Variants in EYA4 observed in about 807,000 individuals in gnomAD.
EYA4 encodes the protein EYA transcriptional coactivator and phosphatase 4.
A neutral mutation model predicts 87.9 loss-of-function variants in EYA4; 31 were observed. The observed-to-expected ratio is 0.35, with a 90% CI of 0.27 to 0.48. The LOEUF (loss-of-function observed/expected upper bound fraction) is 0.48. Among genes scored for constraint, EYA4 ranks in the 20% least tolerant of loss-of-function variants. EYA4 has a pLI of 0.99. For missense variants in EYA4, 678 were observed against 761.4 expected (o/e 0.89, Z 1.29); for synonymous variants, 263 against 270.6 (o/e 0.97, Z 0.28).
At chr6:133,483,251 C>G in intron 13 of EYA4, 136 bp downstream of exon 13, 1 of 673,116 alleles carries the variant, frequency 1.5e-6, no homozygotes, top group South Asian at 1.7e-5. Context: ...TTATCTATTT[C>G]TAGTGTCTTA....
At chr6:133,329,363 G>C (rs2128378464) in intron 2 of EYA4, among the ~76,000 whole-genome samples, 1 of 152,176 alleles carries the variant, frequency 6.6e-6, no homozygotes, top group South Asian at 2.1e-4. Context: ...AAATGCTATA[G>C]AGGAATAAAG....
rs959547878 is a variant in EYA4, at chr6:133,464,836, C to T, written c.782C>T (p.Thr261Met). The T allele has an allele frequency of 3.7e-6, 6 of 1,610,326 alleles. No homozygotes were observed. Among genetic ancestry groups the T allele is most frequent in the Non-Finnish European group, 4.2e-6 (5 of 1,177,312 alleles). The change falls in exon 10 of 20, where the codon ACG becomes ATG. Residue 261 changes from threonine (T) to methionine (M), a missense_variant. Transcript: ENST00000355286. ...GCAAATAATTCAGTTTCCAATTCAA[C>T]GAATTTCAGTGGTTCACAACAGGTA... ...IYANNSVSNS[T>M]NFSGSQQDYP...
At chr6:133,508,212 T>A (rs1798818620) in intron 14 of EYA4, among the ~76,000 whole-genome samples, 2 of 152,134 alleles carry the variant, frequency 1.3e-5, no homozygotes, top group South Asian at 4.2e-4. Context: ...AGCGGCATTC[T>A]TTTTTTTCTA....
intron 2 of EYA4, among the ~76,000 whole-genome samples, chr6:133,372,576 T>A (rs986499261): frequency 9.3e-5 from 14 of 149,926 alleles, no homozygotes; most frequent in Admixed American, 9.3e-4. Flanking sequence ...ATAAATACAT[T>A]TTTTTTTATT....
chr6:133,361,250 T>A (rs1227644541), intron 2 of EYA4, among the ~76,000 whole-genome samples: 1 of 152,216 alleles, frequency 6.6e-6, no homozygotes, highest in Non-Finnish European at 1.5e-5. Context: ...CAGGCATGCT[T>A]ACTGTCCAGA....
At chr6:133,308,209 T>C (rs1162575119) in intron 2 of EYA4, among the ~76,000 whole-genome samples, 2 of 152,186 alleles carry the variant, frequency 1.3e-5, no homozygotes, top group Non-Finnish European at 2.9e-5. Flanking sequence ...AATGGACTAA[T>C]ACAGCTAGTG....
chr6:133,429,629 A>C (rs950327704), intron 3 of EYA4, among the ~76,000 whole-genome samples: 1 of 152,084 alleles, frequency 6.6e-6, no homozygotes, highest in African/African-American at 2.4e-5. Flanking sequence ...AAATAATGAG[A>C]ATCAGGGGTT....
intron 3 of EYA4, among the ~76,000 whole-genome samples, chr6:133,383,593 G>A (rs1786445860): frequency 7.0e-6 from 1 of 143,410 alleles, no homozygotes; most frequent in East Asian, 2.2e-4. Flanking sequence ...TGTATCTTAT[G>A]TATAGTCCAC....
At chr6:133,285,225 T>C (rs1368770056) in intron 2 of EYA4, among the ~76,000 whole-genome samples, 1 of 152,166 alleles carries the variant, frequency 6.6e-6, no homozygotes, top group East Asian at 1.9e-4. Context: ...CTCAATCTCC[T>C]GACCTTGTGA....
chr6:133,398,401 C>G (rs1787982150), intron 3 of EYA4, among the ~76,000 whole-genome samples: 2 of 152,266 alleles, frequency 1.3e-5, no homozygotes, highest in East Asian at 3.9e-4. Flanking sequence ...TGAATTTTCA[C>G]AACCAAATTG....
chr6:133,258,666 G>C (rs1775546512), intron 1 of EYA4, among the ~76,000 whole-genome samples: 1 of 151,974 alleles, frequency 6.6e-6, no homozygotes. Context: ...CCAAGACTTA[G>C]GACTCAGACT....
intron 2 of EYA4, among the ~76,000 whole-genome samples, chr6:133,360,999 A>G (rs1784407825): frequency 6.6e-6 from 1 of 152,200 alleles, no homozygotes; most frequent in South Asian, 2.1e-4. Flanking sequence ...TCTTGGAAGA[A>G]GGCAGTTCTC....
At chr6:133,349,114 A>G (rs971686711) in intron 2 of EYA4, among the ~76,000 whole-genome samples, 1 of 152,114 alleles carries the variant, frequency 6.6e-6, no homozygotes, top group African/African-American at 2.4e-5. Flanking sequence ...ACTTTCCTCT[A>G]TGTCTAAAAC....
intron 17 of EYA4, among the ~76,000 whole-genome samples, chr6:133,519,058 T>C (rs1186890513): frequency 2.0e-5 from 3 of 151,130 alleles, no homozygotes; most frequent in Non-Finnish European, 4.4e-5. Flanking sequence ...AGATCCAAAA[T>C]TGACACCCTA....
Position 133,523,107 on chromosome 6 carries a change from T to TG in EYA4, c.1669dup (p.Ala557GlyfsTer7). 1 of 1,612,550 alleles carries TG rather than the reference T, an allele frequency of 6.2e-7. No homozygotes were observed. The highest frequency in any genetic ancestry group is 8.5e-7 in the Non-Finnish European group (1 of 1,178,774). On this transcript the variant is annotated frameshift_variant, in exon 18 of 20. Coordinates refer to ENST00000355286, the MANE Select transcript of EYA4 (RefSeq NM_004100.5). LOFTEE classifies it high-confidence loss of function. ...CGACAACTCAACTGATCCCAGCACT[T>TG]GCGAAGGTTCTACTCTATAGTTTAG...
At chr6:133,346,644 C>T (rs535438753) in intron 2 of EYA4, among the ~76,000 whole-genome samples, 9 of 152,092 alleles carry the variant, frequency 5.9e-5, no homozygotes, top group Non-Finnish European at 1.3e-4. Context: ...CATACTAAGT[C>T]CTCCTCGTAA....
chr6:133,268,182 G>T (rs891231165), intron 1 of EYA4, among the ~76,000 whole-genome samples: 1 of 151,928 alleles, frequency 6.6e-6, no homozygotes, highest in Non-Finnish European at 1.5e-5. Flanking sequence ...CATTTAGTGG[G>T]CATTTAAACT....
intron 13 of EYA4, among the ~76,000 whole-genome samples, chr6:133,495,789 T>G (rs1797605165): frequency 6.6e-6 from 1 of 151,770 alleles, no homozygotes; most frequent in Non-Finnish European, 1.5e-5. Flanking sequence ...AGTTTCTGAT[T>G]CAAGAGGTTT....
chr6:133,481,804 G>T (rs56013218), intron 12 of EYA4, among the ~76,000 whole-genome samples: 86 of 152,246 alleles, frequency 5.6e-4, no homozygotes, highest in Non-Finnish European at 1.1e-3. Context: ...ACAAATAACA[G>T]TATAAAAATG....
Sources: gnomAD v4.1 joint callset for allele counts (sites outside exome capture counted in the v4.1 genomes callset) on GRCh38, gnomAD v4.1.1 for gene constraint, MANE v1.5 for transcripts, NCBI Gene and HGNC (gene_info 2026-07-23, HGNC 2026-07-21) for gene names.